LRRC7: variants seen among roughly 807,000 people sequenced by gnomAD.
The protein encoded by LRRC7 is leucine-rich repeat-containing protein 7.
Under a neutral mutation model 175.7 loss-of-function variants are expected in LRRC7, and 23 were observed. The ratio of observed to expected loss-of-function variants is 0.13; its 90% CI spans 0.09 to 0.19. LRRC7 has a LOEUF of 0.19. LRRC7 is among the 10% of genes least tolerant of loss of function. LRRC7 has a pLI of 1.00. For synonymous variants in LRRC7, 685 were observed against 680.9 expected, an observed-to-expected ratio of 1.01 and a Z score of -0.09; for missense variants, 1,354 against 1,904.7, an observed-to-expected ratio of 0.71 and a Z score of 5.38.
Position 69,764,774 on chromosome 1 carries a change from TAGATAGAC to T in LRRC7, c.303+4385_303+4392del, listed in dbSNP as rs879807723. On this transcript the variant is annotated intron_variant, in intron 3 of 26. Coordinates refer to ENST00000651989, the MANE Select transcript of LRRC7 (RefSeq NM_001370785.2). Reference sequence around the variant, plus strand: ...ATAGATAGATAGATAGATAGATAGATAGATAGACAGACAGACAGATAGATAACTGGGCA... The same window carrying T: ...ATAGATAGATAGATAGATAGATAGATAGACAGACAGATAGATAACTGGGCA... 1.0e-2 allele frequency among the ~76,000 whole-genome samples: 1,442 copies of T among 144,594 alleles called. 13 individuals are homozygous for T. The highest frequency in any genetic ancestry group is 0.017 in the Admixed American group (257 of 14,686). The allele number at this position is 144,594 out of a possible 152,430, so 94.9% of individuals were successfully genotyped here.
intron 7 of LRRC7, among the ~76,000 whole-genome samples, chr1:69,870,005 C>T (rs571665169): frequency 1.3e-5 from 2 of 152,196 alleles, no homozygotes; most frequent in East Asian, 1.9e-4. Flanking sequence ...AATATCTTGC[C>T]TAAGTTCAGC....
At chr1:69,602,396 CTCTT>C (rs1220965855) in intron 1 of LRRC7, among the ~76,000 whole-genome samples, 4 of 152,160 alleles carry the variant, frequency 2.6e-5, no homozygotes, top group African/African-American at 9.7e-5. Context: ...AAACTAATGA[CTCTT>C]TCAAGTGGCA....
At chr1:69,896,811 C>G (rs904125258) in intron 7 of LRRC7, among the ~76,000 whole-genome samples, 2 of 152,062 alleles carry the variant, frequency 1.3e-5, no homozygotes, top group African/African-American at 4.8e-5. Context: ...TGGCATGGTA[C>G]TTGGTACAGA....
rs1670881902 is a variant in LRRC7 at position 69,760,191 on chromosome 1, T to C, written c.101T>C (p.Leu34Ser). 13 of 1,612,558 alleles carry C rather than the reference T, an allele frequency of 8.1e-6. No homozygotes were observed. The highest frequency in any genetic ancestry group is 1.1e-5 in the Non-Finnish European group (13 of 1,179,054). ...TTGTTTTGTTTCTGCGTTTCTCTAG[T>C]GCAGTGCCTGGAGATGACCACCAAA... ...AALRKRPEEE[L>S]QCLEMTTKRK... The change falls in exon 3 of 27, where the codon TTG becomes TCG. Residue 34 changes from leucine to serine, a missense_variant and splice_region_variant. Physicochemically the swap from Leu to Ser is moderately radical, Grantham distance 145 (BLOSUM62 -2). Around this residue, in one of 4 missense-constraint regions of LRRC7, gnomAD observed 68 missense variants for 83.4 expected, o/e 0.82. Coordinates refer to ENST00000651989, the MANE Select transcript of LRRC7 (RefSeq NM_001370785.2).
chr1:70,003,993 A>G (rs561661921), intron 11 of LRRC7, among the ~76,000 whole-genome samples: 49 of 152,246 alleles, frequency 3.2e-4, no homozygotes, highest in Non-Finnish European at 4.7e-4. Context: ...TGCAAATTCT[A>G]TTTTCAAGCA....
rs1685182438 is a variant in LRRC7 at position 69,868,659 on chromosome 1, T to C, written c.647+30376T>C. 2.6e-5 allele frequency among the ~76,000 whole-genome samples: 4 copies of C among 152,228 alleles called. No homozygotes were observed. In the South Asian group the frequency reaches 8.3e-4, roughly 32 times the overall value. ...TATCCTATGTGCTCTGGGAAACTCT[T>C]GAAGAAATATACATAATGCATGTAT... is the stretch of plus-strand genomic sequence containing the variant. On this transcript the variant is annotated intron_variant, in intron 7 of 26. Transcript: ENST00000651989.
chr1:69,812,635 T>C (rs1250724428), intron 4 of LRRC7, among the ~76,000 whole-genome samples: 1 of 152,126 alleles, frequency 6.6e-6, no homozygotes, highest in Admixed American at 6.6e-5. Context: ...TTATTTCATA[T>C]GAGAGGTATC....
chr1:70,023,514 C>G, intron 17 of LRRC7, 140 bp downstream of exon 17: 1 of 918,668 alleles, frequency 1.1e-6, no homozygotes, highest in Non-Finnish European at 1.5e-6. Context: ...TGTTTTATCT[C>G]AATTTAACAT....
chr1:69,623,900 C>T (rs61782219), intron 1 of LRRC7, among the ~76,000 whole-genome samples: 8,071 of 152,050 alleles, frequency 0.053, 251 homozygotes, highest in Admixed American at 0.068. Context: ...ATTGTTTGGC[C>T]ACATTCACCT....
At chr1:69,957,480 A>G (rs1325753371) in intron 8 of LRRC7, among the ~76,000 whole-genome samples, 1 of 151,858 alleles carries the variant, frequency 6.6e-6, no homozygotes, top group Non-Finnish European at 1.5e-5. Flanking sequence ...AATGCTCACT[A>G]TTTAACAGAT....
intron 7 of LRRC7, among the ~76,000 whole-genome samples, chr1:69,910,979 G>A (rs1014131700): frequency 2.0e-5 from 3 of 152,176 alleles, no homozygotes; most frequent in Non-Finnish European, 4.4e-5. Context: ...GGGAGACTCC[G>A]TGGGCATAGG....
chr1:69,930,411 T>C (rs1570703248), intron 7 of LRRC7, among the ~76,000 whole-genome samples: 1 of 152,314 alleles, frequency 6.6e-6, no homozygotes, highest in East Asian at 1.9e-4. Context: ...AACTAAAATT[T>C]CTAAGATTTC....
chr1:69,733,779 A>G (rs1306394555), intron 2 of LRRC7, among the ~76,000 whole-genome samples: 1 of 151,970 alleles, frequency 6.6e-6, no homozygotes, highest in Non-Finnish European at 1.5e-5. Flanking sequence ...TAAAAATGTC[A>G]TTTTGTTCAA....
At chr1:69,594,358 G>A (rs547533561) in intron 1 of LRRC7, among the ~76,000 whole-genome samples, 108 of 152,190 alleles carry the variant, frequency 7.1e-4, no homozygotes, top group African/African-American at 2.5e-3. Flanking sequence ...TTATCCAAAA[G>A]GATTATAGTA....
chr1:69,729,747 G>T lies in LRRC7; in HGVS notation c.101-30444G>T, dbSNP rs117413358. On this transcript the variant is annotated intron_variant, in intron 2 of 26. Transcript: ENST00000651989. The stretch of plus-strand genomic sequence containing the variant: ...AAGTGGATCTACTGTTCTGGGGTCT[G>T]GAGGACAGTGGCCCACTTCTCACAG... 9.3e-4 allele frequency among the ~76,000 whole-genome samples: 142 copies of T among 152,280 alleles called. 4 individuals are homozygous for T. The East Asian group carries it at 0.026, about 28-fold the overall frequency.
rs1667058253 is a variant in LRRC7 at position 70,141,453 on chromosome 1, G to A, written c.*19566G>A. 6.6e-6 allele frequency: 1 copy of A among 151,796 alleles called. No individual in the cohort carries two copies. Among genetic ancestry groups the A allele is most frequent in the South Asian group, 2.1e-4 (1 of 4,814 alleles). The allele number at this position is 151,796 out of a possible 1,614,324, so 9.4% of individuals were successfully genotyped here. On this transcript the variant is annotated 3_prime_UTR_variant, in exon 27 of 27. Transcript: ENST00000651989. ...ATTGTGGCTTGGCACTAAATTATAG[G>A]CCTAGCAATCCTAAATCTCCTATGT...
intron 3 of LRRC7, among the ~76,000 whole-genome samples, chr1:69,786,824 A>G (rs1674505007): frequency 6.6e-6 from 1 of 152,184 alleles, no homozygotes; most frequent in Non-Finnish European, 1.5e-5. Flanking sequence ...CAGCCAAACC[A>G]TATCATTCTG....
intron 7 of LRRC7, among the ~76,000 whole-genome samples, chr1:69,847,403 C>T (rs1393252627): frequency 6.6e-6 from 1 of 152,064 alleles, no homozygotes; most frequent in Admixed American, 6.6e-5. Context: ...GAGCAGCAAA[C>T]ATTTATTTCT....
At chr1:69,759,744 T>C (rs181057234) in intron 2 of LRRC7, among the ~76,000 whole-genome samples, 227 of 152,130 alleles carry the variant, frequency 1.5e-3, no homozygotes, top group Admixed American at 0.014. Context: ...AACTTTGGGA[T>C]TGAAACATGA....
Sources: allele counts gnomAD v4.1 joint callset (sites outside exome capture counted in the v4.1 genomes callset), GRCh38; gene constraint gnomAD v4.1.1; regional missense constraint gnomAD v4.1.1; transcripts MANE v1.5; gene names NCBI Gene and HGNC (gene_info 2026-07-23, HGNC 2026-07-21).